DCHS1: variants seen among roughly 807,000 people sequenced by gnomAD.
DCHS1 encodes protocadherin-16.
Under a neutral mutation model 213.9 loss-of-function variants are expected in DCHS1, and 78 were observed. The observed-to-expected ratio is 0.36, with a 90% CI of 0.30 to 0.44. The LOEUF (loss-of-function observed/expected upper bound fraction) is 0.44. DCHS1 is among the 20% of genes least tolerant of loss of function. The pLI is 1.00. For synonymous variants in DCHS1, 1,828 were observed against 1,873.7 expected, an observed-to-expected ratio of 0.98 and a Z score of 0.63; for missense variants, 3,946 against 4,395.9, an observed-to-expected ratio of 0.90 and a Z score of 2.89.
In DCHS1 at chr11:6,624,778, A is replaced by G; in HGVS notation, c.7237T>C (p.Tyr2413His). The change falls in exon 20 of 21, where the codon TAC becomes CAC. Residue 2413 changes from tyrosine (Y) to histidine (H), a missense_variant. Tyr to His is a moderately conservative substitution (Grantham distance 83, BLOSUM62 2). Transcript: ENST00000299441. ...RDSGANGHIS[Y>H]HLASPADGFS... ...CCATCGGCAGGGGAAGCCAGGTGGT[A>G]GGAAATGTGACCGTTGGCACCTGAG... is the stretch of plus-strand genomic sequence containing the variant. The G allele has an allele frequency of 6.2e-7, 1 of 1,613,916 alleles. No individual in the cohort carries two copies. The highest frequency in any genetic ancestry group is 8.5e-7 in the Non-Finnish European group (1 of 1,179,850).
At chr11:6,650,305 C>T (rs1856224740) in intron 1 of DCHS1, among the ~76,000 whole-genome samples, 1 of 152,110 alleles carries the variant, frequency 6.6e-6, no homozygotes, top group African/African-American at 2.4e-5. Context: ...AGGAGGTGCC[C>T]TTTCACCAGG....
rs745936547 is a variant in DCHS1, at chr11:6,625,258, G to T, written c.7086C>A (p.Leu2362=). 1.2e-6 allele frequency: 2 copies of T among 1,612,760 alleles called. No homozygotes were observed. Among genetic ancestry groups the T allele is most frequent in the Admixed American group, 3.3e-5 (2 of 59,776 alleles). The change falls in exon 19 of 21, where the codon CTC becomes CTA. Residue 2362 remains leucine (L), a synonymous_variant. Transcript: ENST00000299441. This position sits in a 1 kb window ranked among gnomAD's most constrained non-coding sequence, Gnocchi z 5.3. Reference sequence around the variant, plus strand: ...CATTGACATCCTCCACAAGCACTGTGAGGTTGGCACGGCCCTCATGAGGCC... The same window carrying T: ...CATTGACATCCTCCACAAGCACTGTTAGGTTGGCACGGCCCTCATGAGGCC... The part of the protein sequence containing the change: ...HDGPHEGRAN[L]TVLVEDVNDN...
At position 6,646,602 on chromosome 11, in the gene DCHS1, C is replaced by A. The variant is rs142993537; in HGVS notation, c.-120-4869G>T. Among the ~76,000 whole-genome samples the A allele has an allele frequency of 2.9e-3, 444 of 152,286 alleles. 4 individuals carry two copies. The highest frequency in any genetic ancestry group is 9.8e-3 in the African/African-American group (408 of 41,546). ...GCTGCCTCCTGCCTAGATCTGTCTT[C>A]TTCCTTCTTCCAAATCTGTCATGGC... On this transcript the variant is annotated intron_variant, in intron 1 of 20. Coordinates refer to ENST00000299441, the MANE Select transcript of DCHS1 (RefSeq NM_003737.4).
At chr11:6,642,069 C>T (rs559387416) in intron 1 of DCHS1, among the ~76,000 whole-genome samples, 1 of 152,302 alleles carries the variant, frequency 6.6e-6, no homozygotes, top group East Asian at 1.9e-4. Flanking sequence ...AACTAATACT[C>T]GCTTCTTCCA....
Position 6,631,768 on chromosome 11 carries a change from T to C in DCHS1, c.3523A>G (p.Ser1175Gly), listed in dbSNP as rs747027839. The C allele has an allele frequency of 2.5e-6, 4 of 1,585,250 alleles. No individual in the cohort carries two copies. The highest frequency in any genetic ancestry group is 1.4e-5 in the African/African-American group (1 of 73,822). ...ACCTGCACCAGGAGCTGATAGCTGC[T>C]CTGCTGCTCACGGTCCAGGGTTTGG... Reference protein sequence around the residue: ...TLQTLDREQQSSYQLLVQVQD... With the variant: ...TLQTLDREQQGSYQLLVQVQD... Residue 1175 changes from serine (S) to glycine (G), a missense_variant, in exon 7 of 21, where the codon AGC becomes GGC. Coordinates refer to ENST00000299441, the MANE Select transcript of DCHS1 (RefSeq NM_003737.4).
At chr11:6,638,997 G>C (rs1316571605) in intron 2 of DCHS1, among the ~76,000 whole-genome samples, 1 of 151,964 alleles carries the variant, frequency 6.6e-6, no homozygotes, top group African/African-American at 2.4e-5. Context: ...TGTAGTCCCA[G>C]CTACTTGGGA....
chr11:6,650,620 G>A (rs1241674245), intron 1 of DCHS1, among the ~76,000 whole-genome samples: 1 of 152,194 alleles, frequency 6.6e-6, no homozygotes, highest in East Asian at 1.9e-4. Flanking sequence ...GATGCCAGGA[G>A]TTGGAGGGCT....
Position 6,621,740 on chromosome 11 carries a change from C to G in DCHS1, c.*39G>C. 1.3e-6 allele frequency: 2 copies of G among 1,546,738 alleles called. No individual in the cohort carries two copies. Among genetic ancestry groups the G allele is most frequent in the Non-Finnish European group, 1.7e-6 (2 of 1,147,722 alleles). ...CAGAGTGGGGCCTGCGTTGGGGACA[C>G]TGTGCGCATCCCAGGTCGGGGCCCA... On this transcript the variant is annotated 3_prime_UTR_variant, in exon 21 of 21. Transcript: ENST00000299441.
chr11:6,625,197 C>T lies in DCHS1; in HGVS notation c.7146+1G>A. The T allele has an allele frequency of 6.3e-7, 1 of 1,581,574 alleles. No homozygotes were observed. Among genetic ancestry groups the T allele is most frequent in the Non-Finnish European group, 8.6e-7 (1 of 1,162,540 alleles). On this transcript the variant is annotated splice_donor_variant, in intron 19 of 20. Coordinates refer to ENST00000299441, the MANE Select transcript of DCHS1 (RefSeq NM_003737.4). LOFTEE classifies it high-confidence loss of function. This position sits in a 1 kb window ranked among gnomAD's most constrained non-coding sequence, Gnocchi z 5.3. ...GTAGGTGGATCCATGGGTGTCAATA[C>T]CTGGTAGAGGCTCTGTGAGAAGGCA... is the stretch of plus-strand genomic sequence containing the variant.
intron 1 of DCHS1, among the ~76,000 whole-genome samples, chr11:6,651,115 C>G (rs1856236618): frequency 6.6e-6 from 1 of 152,198 alleles, no homozygotes; most frequent in South Asian, 2.1e-4. Flanking sequence ...AATACGCACT[C>G]TTGCCATCAA....
Position 6,641,580 on chromosome 11 carries a change from G to C in DCHS1, c.34C>G (p.Pro12Ala). Residue 12 changes from proline to alanine, a missense_variant, in exon 2 of 21, where the codon CCT becomes GCT. This residue lies in a region of DCHS1 where 3,384 missense variants were observed against 3,780.1 expected (regional missense o/e 0.90). Transcript: ENST00000299441. The surrounding 1 kb of genome is among the most constrained non-coding windows in gnomAD (Gnocchi z 7.1). ...TGGGGCCTGGGGCTCTTCATGCCAG[G>C]GCAGGAAGGCACAATGCCCAGCTCC... ...QKELGIVPSC[P>A]GMKSPRPHLL... is the part of the protein sequence containing the mutation. 1 of 1,550,476 alleles carries C rather than the reference G, an allele frequency of 6.4e-7. No individual in the cohort carries two copies. The highest frequency in any genetic ancestry group is 8.7e-7 in the Non-Finnish European group (1 of 1,146,754).
chr11:6,648,479 G>T (rs773848945), intron 1 of DCHS1, among the ~76,000 whole-genome samples: 1 of 152,208 alleles, frequency 6.6e-6, no homozygotes, highest in Non-Finnish European at 1.5e-5. Context: ...AGAAAATTGT[G>T]CCAGAAGAGT....
In DCHS1 at chr11:6,630,474, CG is replaced by C; in HGVS notation, c.4319del (p.Pro1440ArgfsTer129). 1 of 1,530,098 alleles carries C rather than the reference CG, an allele frequency of 6.5e-7. No individual in the cohort carries two copies. The highest frequency in any genetic ancestry group is 8.7e-7 in the Non-Finnish European group (1 of 1,144,674). 94.8% of individuals were successfully genotyped at this position (1,530,098 alleles called of 1,614,324 possible). A position where few individuals can be genotyped will look rare whatever the true frequency, so the allele number is the denominator to read the frequency against. On this transcript the variant is annotated frameshift_variant, in exon 10 of 21. Transcript: ENST00000299441. LOFTEE classifies it high-confidence loss of function. ...GGTTCTCTGGCAGCGCCAGCGCCAGCGGGTCGCGCGCAAAGGCGGGCGCATG... is the reference window on the plus strand; with the variant it reads ...GGTTCTCTGGCAGCGCCAGCGCCAGCGGTCGCGCGCAAAGGCGGGCGCATG... ...NEHAPAFARD[P>X]LALALPENPE...
Position 6,625,963 on chromosome 11 carries a change from T to A in DCHS1, c.6688A>T (p.Thr2230Ser). 6.2e-7 allele frequency: 1 copy of A among 1,613,572 alleles called. No individual in the cohort carries two copies. Among genetic ancestry groups the A allele is most frequent in the South Asian group, 1.1e-5 (1 of 90,930 alleles). The part of the protein sequence containing the change: ...FHVDPTTGTI[T>S]TTAILDREIW... ...TCACGGTCCAGGATGGCTGTGGTAG[T>A]GATAGTGCCTGTGGTTGGGTCTACG... The change falls in exon 17 of 21, where the codon ACT (threonine) becomes TCT (serine). Residue 2230 changes from threonine (T) to serine (S), a missense_variant. Thr to Ser is a moderately conservative substitution (Grantham distance 58, BLOSUM62 1). Coordinates refer to ENST00000299441, the MANE Select transcript of DCHS1 (RefSeq NM_003737.4). This position sits in a 1 kb window ranked among gnomAD's most constrained non-coding sequence, Gnocchi z 5.3.
Position 6,627,683 on chromosome 11 carries a change from T to G in DCHS1, c.5372-16A>C. ...GGGTCCCCATCTGCAGAGAAGGGCA[T>G]GCACATATAAATATACATGTGTCGT... On this transcript the variant is annotated splice_polypyrimidine_tract_variant and intron_variant, in intron 13 of 20. Transcript: ENST00000299441. This position sits in a 1 kb window ranked among gnomAD's most constrained non-coding sequence, Gnocchi z 5.4. 6.2e-7 allele frequency: 1 copy of G among 1,606,562 alleles called. No individual in the cohort carries two copies. The highest frequency in any genetic ancestry group is 2.2e-5 in the East Asian group (1 of 44,740).
chr11:6,633,542 TC>T lies in DCHS1; in HGVS notation c.2324del (p.Arg775GlnfsTer37), dbSNP rs764671459. 1 of 1,588,828 alleles carries T rather than the reference TC, an allele frequency of 6.3e-7. No homozygotes were observed. The highest frequency in any genetic ancestry group is 8.6e-7 in the Non-Finnish European group (1 of 1,167,396). On this transcript the variant is annotated frameshift_variant, in exon 5 of 21. Transcript: ENST00000299441. LOFTEE classifies it high-confidence loss of function. ...GGGLQAEPSA[R>X]VDISIVPGTP... is the part of the protein sequence containing the mutation. Reference sequence around the variant, plus strand: ...TTCCAGGCACAATGCTGATGTCCACTCGGGCACTGGGTTCTGCCTGTAGGCC... The same window carrying T: ...TTCCAGGCACAATGCTGATGTCCACTGGGCACTGGGTTCTGCCTGTAGGCC...
Position 6,628,616 on chromosome 11 carries a change from C to T in DCHS1, c.5371+5G>A. Reference sequence around the variant, plus strand: ...TGAATTAAGTGGGAGTGGGAAGGTTCTCACCTAGGATGCGGTACTGCAACT... The same window carrying T: ...TGAATTAAGTGGGAGTGGGAAGGTTTTCACCTAGGATGCGGTACTGCAACT... On this transcript the variant is annotated splice_donor_5th_base_variant and intron_variant, in intron 13 of 20. Transcript: ENST00000299441. This position sits in a 1 kb window ranked among gnomAD's most constrained non-coding sequence, Gnocchi z 4.3. 1 of 1,613,886 alleles carries T rather than the reference C, an allele frequency of 6.2e-7. No homozygotes were observed.
In DCHS1 at chr11:6,631,360, C is replaced by G; in HGVS notation, c.3723G>C (p.Ala1241=). ...CATTCTCCCCCTCATCTGGATCCTT[C>G]GCCTGCAGAGTCGTCACCAGTGTTC... ...PPGTLVTTLQ[A]KDPDEGENGT... Residue 1241 remains alanine (A), a synonymous_variant, in exon 8 of 21, where the codon GCG becomes GCC. Transcript: ENST00000299441. 1 of 1,613,972 alleles carries G rather than the reference C, an allele frequency of 6.2e-7. No individual in the cohort carries two copies. The highest frequency in any genetic ancestry group is 1.1e-5 in the South Asian group (1 of 91,074).
At chr11:6,649,749 G>A (rs931254285) in intron 1 of DCHS1, among the ~76,000 whole-genome samples, 1 of 152,092 alleles carries the variant, frequency 6.6e-6, no homozygotes, top group Non-Finnish European at 1.5e-5. Context: ...CATGCAGCAA[G>A]GGTTGCCCTA....
Sources: gnomAD v4.1 joint callset for allele counts (sites outside exome capture counted in the v4.1 genomes callset) on GRCh38, gnomAD v4.1.1 for gene constraint, gnomAD v4.1.1 regional missense constraint, Gnocchi (gnomAD v3.1) non-coding constraint, MANE v1.5 for transcripts, NCBI Gene and HGNC (gene_info 2026-07-23, HGNC 2026-07-21) for gene names.